Variants in SHTN1 observed in about 807,000 individuals in gnomAD.
SHTN1 encodes the protein shootin 1.
Under a neutral mutation model 83.1 loss-of-function variants are expected in SHTN1, and 42 were observed. The ratio of observed to expected loss-of-function variants is 0.51; its 90% CI spans 0.39 to 0.65. SHTN1 has a LOEUF of 0.65. Ranked by LOEUF, SHTN1 falls within the 30% of genes least tolerant of loss-of-function variation. The probability of loss-of-function intolerance (pLI) is 0.00; values close to 1 mark genes in which losing one functional copy is unlikely to be tolerated. For synonymous variants in SHTN1, 224 were observed against 247.7 expected (o/e 0.90, Z 0.90); for missense variants, 622 against 737.8 (o/e 0.84, Z 1.82).
In SHTN1 at chr10:116,995,644, C is replaced by A. The variant is rs74159019; in HGVS notation, c.58+9378G>T. Among the ~76,000 whole-genome samples, 356 of 152,122 alleles carry A rather than the reference C, an allele frequency of 2.3e-3. 2 individuals are homozygous for A. Among genetic ancestry groups the A allele is most frequent in the African/African-American group, 8.3e-3 (345 of 41,494 alleles). ...GCATTTGCATAAGTTCAGGAAGAATCCGTTCTTCTTTTAATAGGATACAAT... is the reference window on the plus strand; with the variant it reads ...GCATTTGCATAAGTTCAGGAAGAATACGTTCTTCTTTTAATAGGATACAAT... On this transcript the variant is annotated intron_variant, in intron 1 of 16. Coordinates refer to ENST00000355371, the MANE Select transcript of SHTN1 (RefSeq NM_001127211.3).
chr10:116,961,308 T>C (rs1186510667), intron 3 of SHTN1, among the ~76,000 whole-genome samples: 1 of 152,086 alleles, frequency 6.6e-6, no homozygotes, highest in Non-Finnish European at 1.5e-5. Context: ...ACTTCCTAAG[T>C]CTGTCCAAAG....
chr10:116,957,953 G>A (rs1449560318), intron 4 of SHTN1, among the ~76,000 whole-genome samples: 2 of 152,114 alleles, frequency 1.3e-5, no homozygotes, highest in Non-Finnish European at 2.9e-5. Flanking sequence ...CCAGCTACTC[G>A]GGAGACTGAG....
chr10:117,010,218 A>C (rs979246700), upstream of SHTN1, among the ~76,000 whole-genome samples: 1 of 152,030 alleles, frequency 6.6e-6, no homozygotes, highest in Non-Finnish European at 1.5e-5. Context: ...AAAATCAGAT[A>C]TTAAAATGGG....
At chr10:117,000,568 T>C (rs1045575420) in intron 1 of SHTN1, among the ~76,000 whole-genome samples, 3 of 152,224 alleles carry the variant, frequency 2.0e-5, no homozygotes, top group Non-Finnish European at 4.4e-5. Context: ...TCCTCTTATG[T>C]ATGTCCTTAT....
At chr10:116,995,176 T>C (rs968791396) in intron 1 of SHTN1, among the ~76,000 whole-genome samples, 3 of 152,172 alleles carry the variant, frequency 2.0e-5, no homozygotes, top group African/African-American at 7.2e-5. Flanking sequence ...TCTGATGCTC[T>C]TTCTAAAAGC....
chr10:117,104,121 C>A (rs1853640845), intron 1 of SHTN1, among the ~76,000 whole-genome samples: 2 of 152,074 alleles, frequency 1.3e-5, no homozygotes, highest in African/African-American at 4.8e-5. Flanking sequence ...CCAAATCCAC[C>A]ATTTTTAGCA....
intron 2 of SHTN1, among the ~76,000 whole-genome samples, chr10:117,018,094 G>A (rs1852206808): frequency 1.3e-5 from 2 of 152,170 alleles, no homozygotes; most frequent in Admixed American, 1.3e-4. Context: ...TAGTATTCTG[G>A]ACTGGATCCT....
chr10:116,944,243 G>A (rs1849492368), intron 8 of SHTN1, among the ~76,000 whole-genome samples: 1 of 152,180 alleles, frequency 6.6e-6, no homozygotes, highest in Non-Finnish European at 1.5e-5. Context: ...TCCATCACAA[G>A]TCATGGGTTG....
intron 2 of SHTN1, among the ~76,000 whole-genome samples, chr10:117,033,603 AAAG>A (rs765149528): frequency 4.6e-5 from 7 of 152,158 alleles, no homozygotes; most frequent in Non-Finnish European, 7.4e-5. Flanking sequence ...CAAAACACTT[AAAG>A]AAGAACTAAT....
chr10:116,969,342 G>A (rs1850517433), intron 2 of SHTN1, among the ~76,000 whole-genome samples: 2 of 152,154 alleles, frequency 1.3e-5, no homozygotes, highest in Admixed American at 6.5e-5. Flanking sequence ...TCGGGAGGCT[G>A]AGGCAGGAGA....
chr10:116,893,153 A>G (rs1401145352), intron 16 of SHTN1, among the ~76,000 whole-genome samples: 1 of 152,210 alleles, frequency 6.6e-6, no homozygotes, highest in Admixed American at 6.5e-5. Flanking sequence ...CTGTTTGCAC[A>G]GCAACTCAGA....
At chr10:116,927,342 T>C (rs2133374297) in intron 11 of SHTN1, among the ~76,000 whole-genome samples, 1 of 152,274 alleles carries the variant, frequency 6.6e-6, no homozygotes, top group Admixed American at 6.5e-5. Flanking sequence ...CTCATGCTGC[T>C]AATAAAGATA....
intron 4 of SHTN1, among the ~76,000 whole-genome samples, chr10:116,957,454 A>G (rs1478394523): frequency 2.0e-5 from 3 of 151,158 alleles, no homozygotes; most frequent in Admixed American, 2.0e-4. Context: ...GGGTTTCACC[A>G]TGTTTGCCAG....
In SHTN1 at chr10:117,005,179, C is replaced by T; in HGVS notation, c.-100G>A. ...GCAAGATGCCGGTGGCTTGCGGCTC[C>T]ACTACCCGGAAGTTGGATCCGCTCC... is the stretch of plus-strand genomic sequence containing the variant. On this transcript the variant is annotated 5_prime_UTR_variant, in exon 1 of 17. Coordinates refer to ENST00000355371, the MANE Select transcript of SHTN1 (RefSeq NM_001127211.3). The T allele has an allele frequency of 6.5e-7, 1 of 1,540,224 alleles. No homozygotes were observed. The highest frequency in any genetic ancestry group is 8.7e-7 in the Non-Finnish European group (1 of 1,143,466).
At chr10:117,114,058 A>T (rs1249416399) in intron 1 of SHTN1, among the ~76,000 whole-genome samples, 1 of 145,956 alleles carries the variant, frequency 6.9e-6, no homozygotes, top group Non-Finnish European at 1.5e-5. Context: ...AAAATAAAAT[A>T]AAAAAAAAAA....
intron 9 of SHTN1, among the ~76,000 whole-genome samples, chr10:116,935,690 A>G (rs573880088): frequency 1.3e-5 from 2 of 152,188 alleles, no homozygotes; most frequent in Non-Finnish European, 2.9e-5. Context: ...AAAATGAGTT[A>G]GGGAGGAGTC....
At chr10:117,115,076 G>A (rs1379452547) in intron 1 of SHTN1, among the ~76,000 whole-genome samples, 5 of 152,146 alleles carry the variant, frequency 3.3e-5, no homozygotes, top group African/African-American at 9.7e-5. Context: ...TTAACTCTTT[G>A]GGGGTCATAA....
chr10:117,069,816 T>C (rs1853055329), intron 1 of SHTN1, among the ~76,000 whole-genome samples: 1 of 152,176 alleles, frequency 6.6e-6, no homozygotes, highest in Non-Finnish European at 1.5e-5. Flanking sequence ...GACAGTGATT[T>C]ATTCTGCAAA....
intron 1 of SHTN1, among the ~76,000 whole-genome samples, chr10:116,992,248 C>A (rs1851464138): frequency 6.6e-6 from 1 of 152,192 alleles, no homozygotes; most frequent in Non-Finnish European, 1.5e-5. Context: ...AGTTGGAAAT[C>A]TCCTCCCTGA....
Sources: allele counts gnomAD v4.1 joint callset (sites outside exome capture counted in the v4.1 genomes callset), GRCh38; gene constraint gnomAD v4.1.1; transcripts MANE v1.5; gene names NCBI Gene and HGNC (gene_info 2026-07-23, HGNC 2026-07-21).